POLN: variants seen among roughly 807,000 people sequenced by gnomAD.
POLN encodes the protein DNA polymerase N.
POLN carries 108 observed loss-of-function variants against 113.5 expected under a neutral mutation model. That is an observed-to-expected ratio of 0.95 (90% CI 0.81 to 1.12). The LOEUF (loss-of-function observed/expected upper bound fraction) is 1.12. POLN is among the 50% of genes most tolerant of loss of function. The probability of loss-of-function intolerance (pLI) is 0.00; values close to 1 mark genes in which losing one functional copy is unlikely to be tolerated. For synonymous variants in POLN, 386 were observed against 391.5 expected, an observed-to-expected ratio of 0.99 and a Z score of 0.17; for missense variants, 1,097 against 1,077.1, an observed-to-expected ratio of 1.02 and a Z score of -0.26.
intron 19 of POLN, among the ~76,000 whole-genome samples, chr4:2,104,006 C>T (rs1730988849): frequency 6.6e-6 from 1 of 152,130 alleles, no homozygotes; most frequent in South Asian, 2.1e-4. Flanking sequence ...ATGACATTCA[C>T]CATCATGGAA....
intron 21 of POLN, among the ~76,000 whole-genome samples, chr4:2,084,958 C>T (rs1730514184): frequency 6.6e-6 from 1 of 152,174 alleles, no homozygotes; most frequent in Non-Finnish European, 1.5e-5. Flanking sequence ...CATTTATGCC[C>T]ACAACTTTCT....
intron 3 of POLN, among the ~76,000 whole-genome samples, chr4:2,221,014 C>T (rs1251285619): frequency 2.0e-5 from 3 of 152,096 alleles, no homozygotes; most frequent in African/African-American, 7.2e-5. Flanking sequence ...CGGAGCATGT[C>T]TTATTTTTCA....
chr4:2,166,350 A>C (rs1430950903), intron 13 of POLN, among the ~76,000 whole-genome samples: 1 of 152,212 alleles, frequency 6.6e-6, no homozygotes, highest in Non-Finnish European at 1.5e-5. Flanking sequence ...TTCAGCTTAC[A>C]CATAACTCCT....
intron 2 of POLN, among the ~76,000 whole-genome samples, chr4:2,237,877 C>T (rs923419925): frequency 2.0e-5 from 3 of 151,936 alleles, no homozygotes; most frequent in African/African-American, 7.3e-5. Context: ...TGGTTCAATC[C>T]CAAAGCTGCC....
chr4:2,111,794 T>A (rs935415052), intron 19 of POLN, among the ~76,000 whole-genome samples: 1 of 152,054 alleles, frequency 6.6e-6, no homozygotes, highest in Non-Finnish European at 1.5e-5. Context: ...AGAATCAATA[T>A]CGTGAAAATG....
intron 7 of POLN, among the ~76,000 whole-genome samples, chr4:2,187,515 A>T (rs1244464375): frequency 2.0e-5 from 3 of 152,180 alleles, no homozygotes; most frequent in Non-Finnish European, 4.4e-5. Context: ...AAGTGCTGGG[A>T]TTACAGGCAT....
At chr4:2,115,230 T>TATATA (rs1386479317) in intron 19 of POLN, among the ~76,000 whole-genome samples, 1 of 114,358 alleles carries the variant, frequency 8.7e-6, no homozygotes, top group African/African-American at 3.6e-5. Flanking sequence ...ATATATATAT[T>TATATA]TTTTTTTTTG....
At chr4:2,115,770 G>T (rs1731302488) in intron 19 of POLN, among the ~76,000 whole-genome samples, 1 of 152,196 alleles carries the variant, frequency 6.6e-6, no homozygotes. Flanking sequence ...CCGTAACTGG[G>T]CTGGGTCTGG....
intron 19 of POLN, among the ~76,000 whole-genome samples, chr4:2,113,346 C>A (rs1244028396): frequency 1.3e-5 from 2 of 151,540 alleles, no homozygotes; most frequent in Admixed American, 1.3e-4. Context: ...TGTAACAAAC[C>A]TGCACATTGT....
intron 3 of POLN, among the ~76,000 whole-genome samples, chr4:2,216,807 G>C (rs1734124341): frequency 6.6e-6 from 1 of 152,208 alleles, no homozygotes; most frequent in East Asian, 1.9e-4. Flanking sequence ...TACAACTGGG[G>C]ACTCAGTGTT....
rs1226502813 is a variant in POLN, at chr4:2,129,244, T to C, written c.1802A>G (p.Lys601Arg). 6.3e-7 allele frequency: 1 copy of C among 1,590,474 alleles called. No individual in the cohort carries two copies. Among genetic ancestry groups the C allele is most frequent in the East Asian group, 2.2e-5 (1 of 44,750 alleles). Residue 601 changes from lysine to arginine, a missense_variant, in exon 18 of 26, where the codon AAG becomes AGG. Coordinates refer to ENST00000511885, the MANE Select transcript of POLN (RefSeq NM_181808.4). The part of the protein sequence containing the change: ...TPKNFKGKED[K>R]ILTISPRAMF... Reference sequence around the variant, plus strand: ...GGCCCTCGGGGAGATCGTGAGAATCTTGTCTTCTTTACCTGAATTGTTATT... The same window carrying C: ...GGCCCTCGGGGAGATCGTGAGAATCCTGTCTTCTTTACCTGAATTGTTATT...
chr4:2,196,751 A>G (rs967453612), intron 6 of POLN, among the ~76,000 whole-genome samples: 16 of 152,214 alleles, frequency 1.1e-4, no homozygotes, highest in African/African-American at 3.9e-4. Context: ...GACAGAAGGA[A>G]GTAAGGAAAA....
intron 11 of POLN, among the ~76,000 whole-genome samples, chr4:2,173,333 G>A (rs1046132985): frequency 6.6e-6 from 1 of 152,172 alleles, no homozygotes; most frequent in Admixed American, 6.5e-5. Flanking sequence ...ATGAGAAAAT[G>A]TATTACGTGT....
chr4:2,187,114 T>A (rs778829660), intron 7 of POLN, among the ~76,000 whole-genome samples: 3 of 152,096 alleles, frequency 2.0e-5, no homozygotes, highest in South Asian at 2.1e-4. Context: ...CTATAAGATA[T>A]AGAAAATTGC....
intron 7 of POLN, among the ~76,000 whole-genome samples, chr4:2,190,426 T>C (rs1309985189): frequency 2.0e-5 from 3 of 151,060 alleles, no homozygotes; most frequent in Non-Finnish European, 2.9e-5. Flanking sequence ...CTATGAAACA[T>C]CTGGAAGAAA....
rs978421010 is a variant in POLN, at chr4:2,228,984, A to T, written c.133+115T>A. The T allele has an allele frequency of 5.9e-6, 6 of 1,019,844 alleles. No homozygotes were observed. The African/African-American group carries it at 1.0e-4, about 17-fold the overall frequency. The allele number at this position is 1,019,844 out of a possible 1,614,324, so 63.2% of individuals were successfully genotyped here. A position where few individuals can be genotyped will look rare whatever the true frequency, so the allele number is the denominator to read the frequency against. ...TCAGTCTGCACTGAATGAGTGTAAA[A>T]GGGGCGGGAGCTGGGCTTCATCTGT... On this transcript the variant is annotated intron_variant, in intron 3 of 25. Transcript: ENST00000511885.
At chr4:2,106,324 C>T (rs577592518) in intron 19 of POLN, among the ~76,000 whole-genome samples, 45 of 152,208 alleles carry the variant, frequency 3.0e-4, no homozygotes, top group African/African-American at 1.0e-3. Context: ...ATCTTAACTA[C>T]GACACTCTTC....
chr4:2,113,474 G>GT (rs1043966106), intron 19 of POLN, among the ~76,000 whole-genome samples: 23 of 151,916 alleles, frequency 1.5e-4, no homozygotes, highest in African/African-American at 4.8e-4. Context: ...CAGGGACAGC[G>GT]TAAGTACTTT....
At chr4:2,103,700 C>T (rs368236681) in intron 19 of POLN, among the ~76,000 whole-genome samples, 20 of 152,084 alleles carry the variant, frequency 1.3e-4, no homozygotes, top group South Asian at 6.2e-4. Flanking sequence ...TTCTAAAGTC[C>T]GCAAGAGAGA....
Sources: gnomAD v4.1 joint callset for allele counts (sites outside exome capture counted in the v4.1 genomes callset) on GRCh38, gnomAD v4.1.1 for gene constraint, MANE v1.5 for transcripts, NCBI Gene and HGNC (gene_info 2026-07-23, HGNC 2026-07-21) for gene names.